KCNA6: variants seen among roughly 807,000 people sequenced by gnomAD.
KCNA6 encodes potassium voltage-gated channel subfamily A member 6, also known as human brain potassium channel-2.
KCNA6 carries 17 observed loss-of-function variants against 29.5 expected under a neutral mutation model. The observed-to-expected ratio is 0.58, with a 90% CI of 0.39 to 0.86. The LOEUF is 0.86. Among genes scored for constraint, KCNA6 ranks in the 40% least tolerant of loss-of-function variants. KCNA6 has a pLI of 0.00. For missense variants in KCNA6, 450 were observed against 703.4 expected (o/e 0.64, Z 4.07); for synonymous variants, 296 against 304.7 (o/e 0.97, Z 0.30).
At chr12:4,843,729 C>T in the KCNA6 span, among the ~76,000 whole-genome samples, 23 of 152,122 alleles carry the variant, frequency 1.5e-4, no homozygotes, top group East Asian at 3.9e-3. Context: ...GTTCACGTGG[C>T]GAAACCAGAA....
chr12:4,843,631 G>A, the KCNA6 span, among the ~76,000 whole-genome samples: 2 of 152,144 alleles, frequency 1.3e-5, no homozygotes, highest in Admixed American at 1.3e-4. Context: ...ACGGTTCTGT[G>A]GGTTGTACAG....
At chr12:4,830,305 G>A in the KCNA6 span, among the ~76,000 whole-genome samples, 21 of 152,342 alleles carry the variant, frequency 1.4e-4, no homozygotes, top group East Asian at 2.5e-3. Flanking sequence ...CCATCCTGCA[G>A]AAAGCACTGT....
At chr12:4,834,166 C>T in the KCNA6 span, among the ~76,000 whole-genome samples, 1,169 of 152,104 alleles carry the variant, frequency 7.7e-3, 8 homozygotes, top group Non-Finnish European at 0.013. Context: ...AACTCCTGGG[C>T]TCAAGCAGTC....
chr12:4,811,441 G>A lies in KCNA6; in HGVS notation c.1400G>A (p.Arg467Gln), dbSNP rs749172844. 6.2e-7 allele frequency: 1 copy of A among 1,614,136 alleles called. No homozygotes were observed. The highest frequency in any genetic ancestry group is 8.5e-7 in the Non-Finnish European group (1 of 1,180,036). Reference sequence around the variant, plus strand: ...TCCAACTTCAACTACTTCTACCACCGGGAGACGGAGCAGGAGGAGCAAGGC... The same window carrying A: ...TCCAACTTCAACTACTTCTACCACCAGGAGACGGAGCAGGAGGAGCAAGGC... The change falls in exon 1 of 1, where the codon CGG becomes CAG. Residue 467 changes from arginine to glutamine, a missense_variant. Coordinates refer to ENST00000280684, the Ensembl canonical transcript of KCNA6. This position sits in a 1 kb window ranked among gnomAD's most constrained non-coding sequence, Gnocchi z 7.1.
the KCNA6 span, among the ~76,000 whole-genome samples, chr12:4,830,918 C>T: frequency 6.6e-6 from 1 of 152,232 alleles, no homozygotes. Flanking sequence ...CGAAGCCACC[C>T]CCTAGCAGAC....
the KCNA6 span, among the ~76,000 whole-genome samples, chr12:4,820,233 C>G: frequency 6.6e-6 from 1 of 152,080 alleles, no homozygotes; most frequent in Non-Finnish European, 1.5e-5. Flanking sequence ...GAAATATAAT[C>G]TGAATATATC....
exon 1 of KCNA6, chr12:4,812,244 AC>A (rs930201062): frequency 3.6e-5 from 6 of 167,628 alleles, no homozygotes; most frequent in Non-Finnish European, 7.3e-5. Flanking sequence ...ATCAAACTTT[AC>A]CACTTGGAGG....
chr12:4,819,440 C>T, the KCNA6 span, among the ~76,000 whole-genome samples: 1 of 152,222 alleles, frequency 6.6e-6, no homozygotes, highest in Admixed American at 6.5e-5. Context: ...CCCCAGTCAC[C>T]TTCACGGCCC....
chr12:4,816,094 A>T (rs1379244236), downstream of KCNA6, among the ~76,000 whole-genome samples: 1 of 152,234 alleles, frequency 6.6e-6, no homozygotes, highest in East Asian at 1.9e-4. Flanking sequence ...GGCTGGGAGA[A>T]CGGTTTGGTC....
In KCNA6 at chr12:4,811,698, T is replaced by G. The variant is rs2137574438; in HGVS notation, c.*67T>G. On this transcript the variant is annotated 3_prime_UTR_variant, in exon 1 of 1. Transcript: ENST00000280684. The surrounding 1 kb of genome is among the most constrained non-coding windows in gnomAD (Gnocchi z 7.1). ...CAGTCTCTTAGGCTTCCTTCTCATT[T>G]CCACTACTCACTCTAGCTTCAGTTG... 6.5e-7 allele frequency: 1 copy of G among 1,532,178 alleles called. No individual in the cohort carries two copies. Among genetic ancestry groups the G allele is most frequent in the East Asian group, 2.3e-5 (1 of 44,318 alleles). 94.9% of individuals were successfully genotyped at this position (1,532,178 alleles called of 1,614,324 possible).
the KCNA6 span, among the ~76,000 whole-genome samples, chr12:4,818,619 G>T: frequency 6.6e-6 from 1 of 152,178 alleles, no homozygotes; most frequent in Non-Finnish European, 1.5e-5. Flanking sequence ...GCTCAGAGGG[G>T]TTGTGATGTC....
At chr12:4,817,045 G>A (rs1036877532), downstream of KCNA6, among the ~76,000 whole-genome samples, 6 of 152,232 alleles carry the variant, frequency 3.9e-5, no homozygotes, top group African/African-American at 1.4e-4. Context: ...GATTCCCAGA[G>A]AGCGTGGTCC....
At position 4,810,446 on chromosome 12, in the gene KCNA6, G is replaced by T. The variant is rs1946615422; in HGVS notation, c.405G>T (p.Arg135=). The T allele has an allele frequency of 1.2e-6, 2 of 1,613,958 alleles. No individual in the cohort carries two copies. The highest frequency in any genetic ancestry group is 3.3e-5 in the Admixed American group (2 of 60,012). Residue 135 remains arginine, a synonymous_variant, in exon 1 of 1, where the codon CGG becomes CGT. Coordinates refer to ENST00000280684, the Ensembl canonical transcript of KCNA6. The surrounding 1 kb of genome is among the most constrained non-coding windows in gnomAD (Gnocchi z 7.5). ...GGGACGAGGCCCTGGCGGCCTTCCGGGAGGACGAGGGCTGCCTGCCCGAAG... is the reference window on the plus strand; with the variant it reads ...GGGACGAGGCCCTGGCGGCCTTCCGTGAGGACGAGGGCTGCCTGCCCGAAG...
At chr12:4,833,820 G>A in the KCNA6 span, among the ~76,000 whole-genome samples, 2 of 152,070 alleles carry the variant, frequency 1.3e-5, no homozygotes, top group African/African-American at 4.8e-5. Flanking sequence ...AACCAGAATA[G>A]ACCAACGGCT....
chr12:4,831,929 A>T, the KCNA6 span, among the ~76,000 whole-genome samples: 1 of 152,178 alleles, frequency 6.6e-6, no homozygotes, highest in Admixed American at 6.5e-5. Context: ...TAAAATGGGG[A>T]TCACTCTGGT....
At position 4,810,768 on chromosome 12, in the gene KCNA6, A is replaced by G; in HGVS notation, c.727A>G (p.Met243Val). 1 of 1,599,208 alleles carries G rather than the reference A, an allele frequency of 6.3e-7. No homozygotes were observed. The highest frequency in any genetic ancestry group is 1.1e-5 in the South Asian group (1 of 87,356). Residue 243 changes from methionine (M) to valine (V), a missense_variant, in exon 1 of 1, where the codon ATG becomes GTG. Physicochemically the swap from Met to Val is conservative, Grantham distance 21 (BLOSUM62 1). Transcript: ENST00000280684. The surrounding 1 kb of genome is among the most constrained non-coding windows in gnomAD (Gnocchi z 7.5). ...TCATCATGGCATCACCCCTGGGGAA[A>G]TGGGGACCGGGGGCTCCTCCTCACT...
At chr12:4,827,461 C>T in the KCNA6 span, among the ~76,000 whole-genome samples, 28 of 152,170 alleles carry the variant, frequency 1.8e-4, no homozygotes, top group Non-Finnish European at 2.9e-4. Context: ...TAAGGAGAAG[C>T]AGGGGAGTGC....
chr12:4,817,165 T>C, downstream of KCNA6, among the ~76,000 whole-genome samples: 1 of 152,218 alleles, frequency 6.6e-6, no homozygotes, highest in East Asian at 1.9e-4. Context: ...TCCTACCTTG[T>C]CACAGTCACT....
chr12:4,830,563 G>A, the KCNA6 span, among the ~76,000 whole-genome samples: 1 of 152,210 alleles, frequency 6.6e-6, no homozygotes, highest in African/African-American at 2.4e-5. Context: ...AACGGCATCT[G>A]CCCCTTCCGC....
Sources: allele counts gnomAD v4.1 joint callset (sites outside exome capture counted in the v4.1 genomes callset), GRCh38; gene constraint gnomAD v4.1.1; non-coding constraint Gnocchi (gnomAD v3.1); transcripts MANE v1.5; gene names NCBI Gene and HGNC (gene_info 2026-07-23, HGNC 2026-07-21).